The following RARB variants were observed in gnomAD, a reference collection of about 807,000 sequenced individuals.
RARB encodes retinoic acid receptor beta, also known as HBV-activated protein.
In RARB, 17 loss-of-function variants were observed where a neutral mutation model predicts 51.9. The observed-to-expected ratio is 0.33, with a 90% CI of 0.22 to 0.49. RARB has a LOEUF of 0.49. RARB is among the 20% of genes least tolerant of loss of function. The probability of loss-of-function intolerance (pLI) is 0.99; values close to 1 mark genes in which losing one functional copy is unlikely to be tolerated. For missense variants in RARB, 369 were observed against 550.8 expected, an observed-to-expected ratio of 0.67 and a Z score of 3.30; for synonymous variants, 215 against 195.4, an observed-to-expected ratio of 1.10 and a Z score of -0.84.
intron 2 of RARB, among the ~76,000 whole-genome samples, chr3:24,944,568 A>C (rs1314509810): frequency 6.6e-6 from 1 of 152,226 alleles, no homozygotes; most frequent in Non-Finnish European, 1.5e-5. Context: ...TTAAACCTAC[A>C]AATGCCTGAC....
intron 2 of RARB, among the ~76,000 whole-genome samples, chr3:24,872,199 T>C (rs1702960984): frequency 6.6e-6 from 1 of 152,114 alleles, no homozygotes; most frequent in South Asian, 2.1e-4. Context: ...CCTTTCTGAT[T>C]TCCTCCACCA....
At position 25,347,580 on chromosome 3, in the gene RARB, C is replaced by T. The variant is rs1032610469; in HGVS notation, c.179-113613C>T. 2.6e-5 allele frequency among the ~76,000 whole-genome samples: 4 copies of T among 152,234 alleles called. 1 individual carries two copies. The highest frequency in any genetic ancestry group is 2.1e-4 in the South Asian group (1 of 4,818). On this transcript the variant is annotated intron_variant, in intron 5 of 11. Coordinates refer to the RARB transcript ENST00000383772. ...CTTTGTGCAAACTTATTTTTCCAAA[C>T]GCAGTGACAAAGGAGCCCAAGTTAG...
At chr3:24,948,695 G>A (rs977206918) in intron 2 of RARB, among the ~76,000 whole-genome samples, 3 of 152,152 alleles carry the variant, frequency 2.0e-5, no homozygotes, top group Admixed American at 2.0e-4. Context: ...GGATTGGATC[G>A]TGGGGGCAGA....
chr3:24,868,746 G>T (rs1020144638), intron 2 of RARB, among the ~76,000 whole-genome samples: 1 of 152,114 alleles, frequency 6.6e-6, no homozygotes, highest in African/African-American at 2.4e-5. Context: ...TCCACAACCC[G>T]TTATCTTAAC....
Position 24,850,556 on chromosome 3 carries a change from G to A in RARB, c.-458-8118G>A, listed in dbSNP as rs1345463338. 2.0e-5 allele frequency among the ~76,000 whole-genome samples: 3 copies of A among 152,194 alleles called. No individual in the cohort carries two copies. In the East Asian group the frequency reaches 5.8e-4, roughly 29 times the overall value. The stretch of plus-strand genomic sequence containing the variant: ...AAGAGATTTTGTTGTTTAATAGGGA[G>A]TGGCTTTAGCATGTTTGGGGGCAGA... On this transcript the variant is annotated intron_variant, in intron 1 of 11. Coordinates refer to the RARB transcript ENST00000383772.
At chr3:25,541,647 T>G in intron 3 of RARB, among the ~76,000 whole-genome samples, 1 of 152,198 alleles carries the variant, frequency 6.6e-6, no homozygotes. Context: ...CATTTCCCCT[T>G]ACACAGCCGA....
chr3:25,372,232 T>G (rs1706322580), intron 5 of RARB, among the ~76,000 whole-genome samples: 1 of 152,224 alleles, frequency 6.6e-6, no homozygotes, highest in Non-Finnish European at 1.5e-5. Context: ...TGGCATTTCA[T>G]TCTGGATAAT....
chr3:25,363,251 G>A (rs1340846770), intron 5 of RARB, among the ~76,000 whole-genome samples: 3 of 152,132 alleles, frequency 2.0e-5, no homozygotes, highest in East Asian at 1.9e-4. Flanking sequence ...GAGAAGGAAC[G>A]TAGGCTGTGG....
At chr3:25,171,290 C>T (rs1349165736) in intron 4 of RARB, among the ~76,000 whole-genome samples, 3 of 151,834 alleles carry the variant, frequency 2.0e-5, no homozygotes, top group Non-Finnish European at 4.4e-5. Flanking sequence ...GAAAAAAGAG[C>T]ACTGCTAATC....
chr3:25,340,098 ACAT>A lies in RARB; in HGVS notation c.179-121092_179-121090del, dbSNP rs376809939. Among the ~76,000 whole-genome samples the A allele has an allele frequency of 7.2e-5, 11 of 152,222 alleles. 1 individual carries two copies. In the Middle Eastern group the frequency reaches 0.01, roughly 141 times the overall value. ...AAGCGAAGGAGAACACGTGGGATGAACATCACTGATAGTAAAATGCAGAGACCT... is the reference window on the plus strand; with the variant it reads ...AAGCGAAGGAGAACACGTGGGATGAACACTGATAGTAAAATGCAGAGACCT... On this transcript the variant is annotated intron_variant, in intron 5 of 11. Coordinates refer to the RARB transcript ENST00000383772.
At chr3:25,495,648 A>T (rs1334230106) in intron 2 of RARB, among the ~76,000 whole-genome samples, 2 of 152,232 alleles carry the variant, frequency 1.3e-5, no homozygotes, top group Non-Finnish European at 2.9e-5. Flanking sequence ...TGGTAACAGC[A>T]GTCAAAGAGC....
In RARB at chr3:24,874,067, T is replaced by C. The variant is rs544652451; in HGVS notation, c.-380+15315T>C. Among the ~76,000 whole-genome samples the C allele has an allele frequency of 4.6e-5, 7 of 152,206 alleles. No individual in the cohort carries two copies. The East Asian group carries it at 1.4e-3, about 29-fold the overall frequency. On this transcript the variant is annotated intron_variant, in intron 2 of 11. Transcript: ENST00000383772. ...AGTAATCTAGAAATGATTTGAAATA[T>C]ACGAGAGGATGTGTGTAGGTTATAT... is the stretch of plus-strand genomic sequence containing the variant.
At chr3:25,542,061 G>A (rs554206528) in intron 3 of RARB, among the ~76,000 whole-genome samples, 1 of 152,344 alleles carries the variant, frequency 6.6e-6, no homozygotes, top group African/African-American at 2.4e-5. Flanking sequence ...ATTAAGATTA[G>A]GGCTGGCAAA....
chr3:25,188,673 ATGT>A (rs1049103863), intron 5 of RARB, among the ~76,000 whole-genome samples: 4 of 152,250 alleles, frequency 2.6e-5, no homozygotes, highest in African/African-American at 7.2e-5. Context: ...TAAATTATAA[ATGT>A]TGTTATTATT....
intron 5 of RARB, among the ~76,000 whole-genome samples, chr3:25,398,929 A>G (rs1288608103): frequency 1.3e-5 from 2 of 152,210 alleles, no homozygotes; most frequent in Non-Finnish European, 2.9e-5. Context: ...ACACAAAGGA[A>G]AGGTCATTTT....
At chr3:25,000,742 G>C (rs577597634) in intron 2 of RARB, among the ~76,000 whole-genome samples, 3 of 152,062 alleles carry the variant, frequency 2.0e-5, no homozygotes, top group African/African-American at 7.2e-5. Context: ...GAGAAGTGGA[G>C]AACATAATTT....
chr3:25,256,018 T>C (rs1043416100), intron 5 of RARB, among the ~76,000 whole-genome samples: 2 of 152,160 alleles, frequency 1.3e-5, no homozygotes, highest in Admixed American at 6.6e-5. Context: ...ATGTATCATA[T>C]CATGTAAATG....
intron 2 of RARB, among the ~76,000 whole-genome samples, chr3:24,886,072 G>A (rs1174580974): frequency 2.0e-5 from 3 of 152,224 alleles, no homozygotes; most frequent in East Asian, 1.9e-4. Context: ...TTTATTTACA[G>A]CTTCCTTTTT....
At chr3:24,837,073 T>C (rs575928328) in intron 1 of RARB, among the ~76,000 whole-genome samples, 2 of 152,202 alleles carry the variant, frequency 1.3e-5, no homozygotes, top group Non-Finnish European at 2.9e-5. Flanking sequence ...ATATGTCCTA[T>C]GAAGAAAACC....
Sources: gnomAD v4.1 joint callset for allele counts (sites outside exome capture counted in the v4.1 genomes callset) on GRCh38, gnomAD v4.1.1 for gene constraint, MANE v1.5 for transcripts, NCBI Gene and HGNC (gene_info 2026-07-23, HGNC 2026-07-21) for gene names.